Variants in ZBTB4 observed in about 807,000 individuals in gnomAD.
ZBTB4 encodes zinc finger and BTB domain containing 4, also known as zinc finger and BTB domain-containing protein 4.
ZBTB4 carries 14 observed loss-of-function variants against 59.8 expected under a neutral mutation model. The observed-to-expected ratio is 0.23, with a 90% CI of 0.15 to 0.37. The LOEUF is 0.37. ZBTB4 is among the 10% of genes least tolerant of loss of function. The pLI is 1.00. For missense variants in ZBTB4, 1,198 were observed against 1,380.8 expected, an observed-to-expected ratio of 0.87 and a Z score of 2.10; for synonymous variants, 587 against 575.2, an observed-to-expected ratio of 1.02 and a Z score of -0.29.
upstream of ZBTB4, among the ~76,000 whole-genome samples, chr17:7,480,580 C>T (rs891268668): frequency 3.3e-5 from 5 of 152,002 alleles, no homozygotes; most frequent in African/African-American, 4.8e-5. Context: ...ATTAGCCGGG[C>T]GTGGTGGCGG....
upstream of ZBTB4, among the ~76,000 whole-genome samples, chr17:7,480,515 C>T (rs916594714): frequency 3.3e-4 from 50 of 151,456 alleles, no homozygotes; most frequent in East Asian, 9.9e-4. Flanking sequence ...GTCAGGAGAT[C>T]GAGACCATCC....
Position 7,467,278 on chromosome 17 carries a change from A to C in ZBTB4, c.-31T>G, listed in dbSNP as rs2070140884. ...TCACCTGAGAGCACAGCCAACATGG[A>C]GTGGGGCGGGGGGTGGCTCAGCGAG... is the stretch of plus-strand genomic sequence containing the variant. On this transcript the variant is annotated 5_prime_UTR_variant, in exon 2 of 4. Transcript: ENST00000380599. 1 of 987,434 alleles carries C rather than the reference A, an allele frequency of 1.0e-6. No individual in the cohort carries two copies. The highest frequency in any genetic ancestry group is 1.2e-6 in the Non-Finnish European group (1 of 830,830). The allele number at this position is 987,434 out of a possible 1,614,324, so 61.2% of individuals were successfully genotyped here.
intron 1 of ZBTB4, among the ~76,000 whole-genome samples, chr17:7,469,819 C>T (rs2070175503): frequency 6.6e-6 from 1 of 151,834 alleles, no homozygotes; most frequent in African/African-American, 2.4e-5. Flanking sequence ...CACGGTGGCT[C>T]ACACCTGTAA....
At chr17:7,471,323 A>T (rs1229748664) in intron 1 of ZBTB4, among the ~76,000 whole-genome samples, 3 of 152,200 alleles carry the variant, frequency 2.0e-5, no homozygotes, top group African/African-American at 7.2e-5. Context: ...ATCTGGGACC[A>T]TAGGCTTATG....
At chr17:7,482,803 G>C, upstream of ZBTB4, 1 of 1,612,002 alleles carries the variant, frequency 6.2e-7, no homozygotes, top group Non-Finnish European at 8.5e-7. Context: ...TGAGCTATGC[G>C]GTCACCAAGG....
rs142612732 is a variant in ZBTB4 at position 7,465,955 on chromosome 17, C to T, written c.847G>A (p.Ala283Thr). 26 of 1,602,472 alleles carry T rather than the reference C, an allele frequency of 1.6e-5. No homozygotes were observed. The African/African-American group carries it at 2.8e-4, about 17-fold the overall frequency. ...CCCACTGGTGGAGGCAGGGCTGAGG[C>T]GTCCACCCCTGCAGGACCACCAGGG... ...AGPGGPAGVDASALPPPVGFR... is the reference protein window; with the variant it reads ...AGPGGPAGVDTSALPPPVGFR... The change falls in exon 3 of 4, where the codon GCC (alanine) becomes ACC (threonine). Residue 283 changes from alanine to threonine, a missense_variant. Transcript: ENST00000380599.
chr17:7,475,521 G>A (rs1051125527), intron 1 of ZBTB4, among the ~76,000 whole-genome samples: 1 of 151,158 alleles, frequency 6.6e-6, no homozygotes, highest in Non-Finnish European at 1.5e-5. Context: ...GCGTGATCTC[G>A]GCTCACTGCA....
intron 1 of ZBTB4, among the ~76,000 whole-genome samples, chr17:7,472,479 G>A (rs1451551267): frequency 1.3e-5 from 2 of 151,892 alleles, no homozygotes; most frequent in South Asian, 2.1e-4. Flanking sequence ...ATGAGCCACC[G>A]CGCCCAGCCT....
rs757394555 is a variant in ZBTB4, at chr17:7,463,668, G to C, written c.1314C>G (p.Pro438=). The C allele has an allele frequency of 6.2e-7, 1 of 1,613,494 alleles. No homozygotes were observed. Among genetic ancestry groups the C allele is most frequent in the Non-Finnish European group, 8.5e-7 (1 of 1,179,790 alleles). ...KTYSQGAPEA[P]LSPTLNTPAP... ...CCGGTGTGTTGAGGGTTGGAGAAAGGGGAGCCTCCGGGGCTCCCTGGCTGT... is the reference window on the plus strand; with the variant it reads ...CCGGTGTGTTGAGGGTTGGAGAAAGCGGAGCCTCCGGGGCTCCCTGGCTGT... The change falls in exon 4 of 4, where the codon CCC becomes CCG. Residue 438 remains proline, a synonymous_variant. Transcript: ENST00000380599.
At chr17:7,473,841 C>T (rs1418654203) in intron 1 of ZBTB4, among the ~76,000 whole-genome samples, 8 of 152,128 alleles carry the variant, frequency 5.3e-5, no homozygotes, top group Non-Finnish European at 8.8e-5. Context: ...AAAGCCACTG[C>T]GCCCAGCTCC....
Position 7,467,275 on chromosome 17 carries a change from T to A in ZBTB4, c.-28A>T. 1 of 989,302 alleles carries A rather than the reference T, an allele frequency of 1.0e-6. No homozygotes were observed. The highest frequency in any genetic ancestry group is 1.2e-6 in the Non-Finnish European group (1 of 832,330). The allele number at this position is 989,302 out of a possible 1,614,324, so 61.3% of individuals were successfully genotyped here. On this transcript the variant is annotated 5_prime_UTR_variant, in exon 2 of 4. It removes an upstream start codon present in the reference 5' UTR. Transcript: ENST00000380599. ...TTCTCACCTGAGAGCACAGCCAACA[T>A]GGAGTGGGGCGGGGGGTGGCTCAGC...
At chr17:7,467,049 T>C in intron 2 of ZBTB4, 1 of 729,354 alleles carries the variant, frequency 1.4e-6, no homozygotes, top group African/African-American at 1.9e-5. Context: ...CCTCAGGTCA[T>C]GGTGAAGGTC....
chr17:7,480,691 G>T (rs1264258906), upstream of ZBTB4, among the ~76,000 whole-genome samples: 2 of 152,064 alleles, frequency 1.3e-5, no homozygotes, highest in Non-Finnish European at 2.9e-5. Flanking sequence ...CTGCACTCCA[G>T]CCTGGGCGAC....
At chr17:7,464,423 C>CTT (rs2070081966) in intron 3 of ZBTB4, among the ~76,000 whole-genome samples, 1 of 48,762 alleles carries the variant, frequency 2.1e-5, no homozygotes, top group Non-Finnish European at 3.8e-5. Flanking sequence ...GAGACTCTGT[C>CTT]AAAAAAAGAA....
intron 1 of ZBTB4, among the ~76,000 whole-genome samples, chr17:7,475,996 C>T (rs1023537246): frequency 2.6e-5 from 4 of 152,226 alleles, no homozygotes; most frequent in African/African-American, 9.6e-5. Flanking sequence ...CCCTTTCCCT[C>T]ACTTCCACAT....
intron 1 of ZBTB4, among the ~76,000 whole-genome samples, chr17:7,477,963 G>A (rs935898859): frequency 2.0e-5 from 3 of 152,034 alleles, no homozygotes; most frequent in South Asian, 2.1e-4. Context: ...CAACACCCAT[G>A]CCTCCCGCCG....
At chr17:7,479,131 G>T (rs963374013) in intron 1 of ZBTB4, among the ~76,000 whole-genome samples, 1 of 152,112 alleles carries the variant, frequency 6.6e-6, no homozygotes, top group Non-Finnish European at 1.5e-5. Flanking sequence ...TGCCCCACGG[G>T]GGGAGGGGGC....
In ZBTB4 at chr17:7,463,049, C is replaced by T. The variant is rs761673519; in HGVS notation, c.1933G>A (p.Glu645Lys). Residue 645 changes from glutamate (E) to lysine (K), a missense_variant, in exon 4 of 4, where the codon GAA becomes AAA. By Grantham distance (56) the Glu-to-Lys change is moderately conservative (BLOSUM62 1). This residue lies in a region of ZBTB4 where 550 missense variants were observed against 541.8 expected (regional missense o/e 1.02). Transcript: ENST00000380599. ...TCCTCATCCTCCTCCTCCTCCTCTT[C>T]GTCCTCCTCCTCTTCGTCCTCCTCA... Reference protein sequence around the residue: ...ESEEDEEEEDEEEEEEDEEES... With the variant: ...ESEEDEEEEDKEEEEEDEEES... The T allele has an allele frequency of 1.8e-5, 29 of 1,609,092 alleles. No homozygotes were observed. Among genetic ancestry groups the T allele is most frequent in the South Asian group, 1.8e-4 (16 of 90,744 alleles).
chr17:7,471,736 A>G (rs1371483153), intron 1 of ZBTB4, among the ~76,000 whole-genome samples: 1 of 152,184 alleles, frequency 6.6e-6, no homozygotes, highest in Admixed American at 6.5e-5. Flanking sequence ...GGGACAATTA[A>G]TAGTTCCTAC....
Sources: gnomAD v4.1 joint callset for allele counts (sites outside exome capture counted in the v4.1 genomes callset) on GRCh38, gnomAD v4.1.1 for gene constraint, gnomAD v4.1.1 regional missense constraint, MANE v1.5 for transcripts, NCBI Gene and HGNC (gene_info 2026-07-23, HGNC 2026-07-21) for gene names.